The following NUP160 variants were observed in gnomAD, a reference collection of about 807,000 sequenced individuals.
The protein encoded by NUP160 is nucleoporin 160.
Under a neutral mutation model 196.9 loss-of-function variants are expected in NUP160, and 94 were observed. That is an observed-to-expected ratio of 0.48 (90% CI 0.40 to 0.57). NUP160 has a LOEUF of 0.57. Among genes scored for constraint, NUP160 ranks in the 20% least tolerant of loss-of-function variants. The pLI, the probability that NUP160 is intolerant of heterozygous loss-of-function variation, is 0.00. For synonymous variants in NUP160, 605 were observed against 619.7 expected (o/e 0.98, Z 0.35); for missense variants, 1,638 against 1,748.3 (o/e 0.94, Z 1.13).
chr11:47,801,353 TTTTTG>T (rs1476653504), intron 23 of NUP160, among the ~76,000 whole-genome samples: 2 of 152,158 alleles, frequency 1.3e-5, no homozygotes, highest in Non-Finnish European at 2.9e-5. Context: ...CTTTAATTTC[TTTTTG>T]TTTTTTTTTG....
exon 3 of NUP160, chr11:47,840,393 G>T (rs1312353276): frequency 6.2e-7 from 1 of 1,613,534 alleles, no homozygotes; most frequent in South Asian, 1.1e-5. Context: ...TATACATCCG[G>T]GAGGGGTGTG....
chr11:47,788,238 T>A (rs1020619283), exon 31 of NUP160: 4 of 1,613,418 alleles, frequency 2.5e-6, no homozygotes, highest in Admixed American at 1.7e-5. Context: ...TCTGACAGAG[T>A]GATATGGCAG....
chr11:47,821,659 C>T, intron 9 of NUP160, 65 bp downstream of exon 9: 3 of 1,230,588 alleles, frequency 2.4e-6, no homozygotes, highest in Admixed American at 1.7e-5. Flanking sequence ...GGCGCCCGGC[C>T]TCTCGTCTTC....
chr11:47,825,152 T>C (rs1336552655), intron 7 of NUP160, among the ~76,000 whole-genome samples: 2 of 152,024 alleles, frequency 1.3e-5, no homozygotes, highest in Admixed American at 1.3e-4. Context: ...TTATTTTTTG[T>C]AGGGACGGAG....
chr11:47,783,142 T>A (rs2097662458), exon 34 of NUP160: 1 of 1,614,002 alleles, frequency 6.2e-7, no homozygotes, highest in East Asian at 2.2e-5. Context: ...AATCCACAGC[T>A]TCTTCTAAAA....
intron 2 of NUP160, among the ~76,000 whole-genome samples, chr11:47,846,741 C>T (rs1318837813): frequency 6.6e-6 from 1 of 152,144 alleles, no homozygotes; most frequent in Non-Finnish European, 1.5e-5. Context: ...AGACTGAGAT[C>T]TTCTAAAAAT....
intron 2 of NUP160, among the ~76,000 whole-genome samples, chr11:47,844,009 G>A (rs867732301): frequency 6.6e-6 from 1 of 152,152 alleles, no homozygotes; most frequent in East Asian, 1.9e-4. Flanking sequence ...TTTTTCCATC[G>A]CAATTAATGA....
intron 4 of NUP160, among the ~76,000 whole-genome samples, chr11:47,838,021 A>C (rs2135400471): frequency 6.6e-6 from 1 of 152,334 alleles, no homozygotes; most frequent in East Asian, 1.9e-4. Flanking sequence ...CTTTGGGGGA[A>C]GGGGAGAAGC....
At chr11:47,792,995 CT>C (rs749206251) in intron 27 of NUP160, 49 bp from the exon 28 acceptor site, 52 of 1,531,478 alleles carry the variant, frequency 3.4e-5, no homozygotes, top group East Asian at 6.9e-5. Flanking sequence ...ATTTTTTTTT[CT>C]TTTTTTTGGA....
In NUP160 at chr11:47,847,913, C is replaced by T. The variant is rs1314514468; in HGVS notation, c.249G>A (p.Ala83=). 2 of 1,614,126 alleles carry T rather than the reference C, an allele frequency of 1.2e-6. No homozygotes were observed. Among genetic ancestry groups the T allele is most frequent in the Non-Finnish European group, 1.7e-6 (2 of 1,180,012 alleles). Residue 83 remains alanine, a synonymous_variant, in exon 2 of 36, where the codon GCG becomes GCA. Coordinates refer to ENST00000378460, the Ensembl canonical transcript of NUP160. ...CACTCTCCACGTAGTAAAAGCCTCC[C>T]GCGCTTTCACTGTATTTTACGGCGC...
At chr11:47,796,177 G>A (rs1175122191) in intron 27 of NUP160, 6 of 265,622 alleles carry the variant, frequency 2.3e-5, no homozygotes, top group East Asian at 6.5e-5. Context: ...AAAAAAAGGA[G>A]CAGCTGCGGA....
intron 7 of NUP160, among the ~76,000 whole-genome samples, chr11:47,824,007 G>A (rs1329383644): frequency 1.3e-4 from 7 of 55,142 alleles, no homozygotes; most frequent in African/African-American, 4.8e-4. Flanking sequence ...CAATTCTTTT[G>A]CATATATATA....
At chr11:47,806,754 T>A (rs1359875082) in intron 19 of NUP160, among the ~76,000 whole-genome samples, 1 of 149,708 alleles carries the variant, frequency 6.7e-6, no homozygotes, top group African/African-American at 2.5e-5. Context: ...ATTTTGTTAA[T>A]CACTGGAGCA....
chr11:47,780,548 T>A, intron 34 of NUP160, 101 bp from the exon 35 acceptor site: 3 of 655,088 alleles, frequency 4.6e-6, no homozygotes, highest in Non-Finnish European at 7.6e-6. Context: ...CCCTTTTTTT[T>A]TTTTTTTTTG....
intron 7 of NUP160, among the ~76,000 whole-genome samples, chr11:47,832,074 G>A (rs1280259933): frequency 6.6e-6 from 1 of 151,584 alleles, no homozygotes; most frequent in Non-Finnish European, 1.5e-5. Context: ...GCTAATTTTT[G>A]TATTTTTAGT....
intron 30 of NUP160, 65 bp from the exon 31 acceptor site, chr11:47,788,370 G>C (rs1007028237): frequency 1.9e-6 from 3 of 1,603,788 alleles, no homozygotes; most frequent in Non-Finnish European, 2.6e-6. Context: ...CAAAGATTTT[G>C]TTTTGTTGAT....
intron 34 of NUP160, 92 bp from the exon 35 acceptor site, chr11:47,780,539 C>T (rs550521088): frequency 7.9e-6 from 5 of 636,276 alleles, no homozygotes; most frequent in Non-Finnish European, 1.2e-5. Context: ...AATAAAATAC[C>T]CTTTTTTTTT....
chr11:47,802,014 AGCC>A, intron 22 of NUP160, 84 bp from the exon 23 acceptor site: 41 of 1,335,684 alleles, frequency 3.1e-5, no homozygotes, highest in Admixed American at 2.7e-4. Context: ...TGTAAGGGAA[AGCC>A]AAAAAAGAAA....
At chr11:47,780,242 T>A in intron 35 of NUP160, 101 bp downstream of exon 35, 1 of 835,240 alleles carries the variant, frequency 1.2e-6, no homozygotes, top group South Asian at 1.4e-5. Context: ...AATAGGCTTT[T>A]GTCTTCCCTT....
Sources: gnomAD v4.1 joint callset for allele counts (sites outside exome capture counted in the v4.1 genomes callset) on GRCh38, gnomAD v4.1.1 for gene constraint, MANE v1.5 for transcripts, NCBI Gene and HGNC (gene_info 2026-07-23, HGNC 2026-07-21) for gene names.